Variants in RYR2 observed in about 807,000 individuals in gnomAD.
RYR2 encodes ryanodine receptor 2, also known as cardiac muscle ryanodine receptor-calcium release channel.
RYR2 carries 227 observed loss-of-function variants against 601.1 expected under a neutral mutation model. The ratio of observed to expected loss-of-function variants is 0.38; its 90% CI spans 0.34 to 0.42. RYR2 has a LOEUF of 0.42. RYR2 is among the 10% of genes least tolerant of loss of function. RYR2 has a pLI of 1.00. For synonymous variants in RYR2, 2,223 were observed against 2,175.1 expected, an observed-to-expected ratio of 1.02 and a Z score of -0.61; for missense variants, 4,646 against 6,156.5, an observed-to-expected ratio of 0.75 and a Z score of 8.21.
rs557241905 is a variant in RYR2 at position 237,449,327 on chromosome 1, G to A, written c.1292+3805G>A. ...TTTTAGTGGTTACTTACGGTTTATA[G>A]CATGTATCTTTAATTTGCCACAGTC... On this transcript the variant is annotated intron_variant, in intron 14 of 104. Coordinates refer to ENST00000366574, the MANE Select transcript of RYR2 (RefSeq NM_001035.3). Among the ~76,000 whole-genome samples, 104 of 152,112 alleles carry A rather than the reference G, an allele frequency of 6.8e-4. 1 individual carries two copies. Among genetic ancestry groups the A allele is most frequent in the African/African-American group, 2.3e-3 (96 of 41,516 alleles).
At position 237,589,997 on chromosome 1, in the gene RYR2, T is replaced by C. The variant is rs572573352; in HGVS notation, c.3803T>C (p.Ile1268Thr). ...CAAGTTCCATCAAACCATGAACATA[T>C]AGAGGTTTGCTTTTTCTTTAAAAAT... ...FLQVPSNHEHIEVTRIDGTID... is the reference protein window; with the variant it reads ...FLQVPSNHEHTEVTRIDGTID... The change falls in exon 30 of 105, where the codon ATA (isoleucine) becomes ACA (threonine). Residue 1268 changes from isoleucine (I) to threonine (T), a missense_variant. Ile to Thr is a moderately conservative substitution (Grantham distance 89). This residue lies in a region of RYR2 where 1,807 missense variants were observed against 2,088.1 expected (regional missense o/e 0.87). Coordinates refer to ENST00000366574, the MANE Select transcript of RYR2 (RefSeq NM_001035.3). The C allele has an allele frequency of 2.5e-6, 4 of 1,610,976 alleles. No individual in the cohort carries two copies. Among genetic ancestry groups the C allele is most frequent in the South Asian group, 2.2e-5 (2 of 90,432 alleles).
chr1:237,633,965 G>T (rs757892434), intron 43 of RYR2, among the ~76,000 whole-genome samples: 1 of 152,080 alleles, frequency 6.6e-6, no homozygotes, highest in Non-Finnish European at 1.5e-5. Context: ...AACATAATAA[G>T]TGTTGGCGAG....
chr1:237,733,586 A>G (rs757330324), intron 78 of RYR2, 119 bp from the exon 79 acceptor site: 19 of 704,752 alleles, frequency 2.7e-5, no homozygotes, highest in Non-Finnish European at 4.3e-5. Flanking sequence ...GTGTTCATTT[A>G]ATTTTAAAAA....
At position 237,709,007 on chromosome 1, in the gene RYR2, G is replaced by A. The variant is rs1057524349; in HGVS notation, c.10051G>A (p.Ala3351Thr). 6.2e-7 allele frequency: 1 copy of A among 1,613,612 alleles called. No homozygotes were observed. The highest frequency in any genetic ancestry group is 8.5e-7 in the Non-Finnish European group (1 of 1,179,608). ...KAEARGDMSE[A>T]ELLILDEFTT... ...TGAGGCCAGGGGGGACATGTCGGAG[G>A]CAGAACTCCTCATCCTAGATGAGTT... Residue 3351 changes from alanine (A) to threonine (T), a missense_variant, in exon 69 of 105, where the codon GCA (alanine) becomes ACA (threonine). Physicochemically the swap from Ala to Thr is moderately conservative, Grantham distance 58. Coordinates refer to ENST00000366574, the MANE Select transcript of RYR2 (RefSeq NM_001035.3).
At chr1:237,800,203 C>T (rs1272306897) in intron 97 of RYR2, 2 of 152,124 alleles carry the variant, frequency 1.3e-5, no homozygotes, top group Non-Finnish European at 2.9e-5. Context: ...GAAATTCATA[C>T]ATCCTGATAT....
In RYR2 at chr1:237,707,174, A is replaced by G; in HGVS notation, c.9806A>G (p.Asn3269Ser). The G allele has an allele frequency of 6.2e-7, 1 of 1,613,186 alleles. No individual in the cohort carries two copies. The highest frequency in any genetic ancestry group is 1.1e-5 in the South Asian group (1 of 91,040). ...GCCGAGATGTGCTGCACAGCCCTGA[A>G]CTCAGAGCACATGAACACACTTCTA... ...ERAEMCCTAL[N>S]SEHMNTLLGN... The change falls in exon 68 of 105, where the codon AAC (asparagine) becomes AGC (serine). Residue 3269 changes from asparagine to serine, a missense_variant. This residue lies in a region of RYR2 where 1,497 missense variants were observed against 1,842.6 expected (regional missense o/e 0.81). Transcript: ENST00000366574.
rs953338114 is a variant in RYR2 at position 237,469,847 on chromosome 1, C to T, written c.1708+660C>T. On this transcript the variant is annotated intron_variant, in intron 17 of 104. Coordinates refer to ENST00000366574, the MANE Select transcript of RYR2 (RefSeq NM_001035.3). ...GTAAAATATTTATAGGCAGTCAACC[C>T]GATACACACATCTCTAATAAGATGT... Among the ~76,000 whole-genome samples, 5 of 152,172 alleles carry T rather than the reference C, an allele frequency of 3.3e-5. No individual in the cohort carries two copies. The South Asian group carries it at 6.2e-4, about 19-fold the overall frequency.
intron 14 of RYR2, among the ~76,000 whole-genome samples, chr1:237,452,543 C>CAT (rs3035862): frequency 0.52 from 75,248 of 144,616 alleles, 20,939 homozygotes; most frequent in East Asian, 0.74. Context: ...TAATATATAA[C>CAT]AACATATATC....
intron 25 of RYR2, among the ~76,000 whole-genome samples, chr1:237,541,476 C>G (rs931916918): frequency 1.1e-4 from 17 of 152,170 alleles, no homozygotes; most frequent in Non-Finnish European, 2.5e-4. Flanking sequence ...CCTCCTATCC[C>G]CCTTTCCTAC....
At chr1:237,233,381 G>A (rs1685197354) in intron 1 of RYR2, among the ~76,000 whole-genome samples, 3 of 152,250 alleles carry the variant, frequency 2.0e-5, no homozygotes, top group South Asian at 2.1e-4. Context: ...AGCTACATCA[G>A]TTGAACAAAA....
intron 17 of RYR2, among the ~76,000 whole-genome samples, chr1:237,472,157 A>C (rs1158633523): frequency 6.6e-6 from 1 of 152,202 alleles, no homozygotes; most frequent in Non-Finnish European, 1.5e-5. Context: ...AGGCAGTAAC[A>C]ATGATGAGAT....
intron 1 of RYR2, among the ~76,000 whole-genome samples, chr1:237,063,016 G>C (rs976128131): frequency 2.6e-5 from 4 of 151,528 alleles, no homozygotes; most frequent in Non-Finnish European, 5.9e-5. Context: ...AAATTCTTAT[G>C]TTGAAATCTT....
chr1:237,812,360 C>A (rs550464059), intron 100 of RYR2, among the ~76,000 whole-genome samples: 1 of 152,188 alleles, frequency 6.6e-6, no homozygotes, highest in Non-Finnish European at 1.5e-5. Flanking sequence ...TGGTAAGCAC[C>A]TTTCTAGAAA....
chr1:237,130,648 A>T (rs1672062951), intron 1 of RYR2, among the ~76,000 whole-genome samples: 1 of 151,994 alleles, frequency 6.6e-6, no homozygotes, highest in African/African-American at 2.4e-5. Context: ...GTGAGCTGAG[A>T]TGGTGCCATT....
intron 1 of RYR2, among the ~76,000 whole-genome samples, chr1:237,256,465 C>T (rs565519784): frequency 9.2e-5 from 14 of 152,252 alleles, no homozygotes; most frequent in African/African-American, 3.1e-4. Context: ...ATTACCATTT[C>T]AAAGCTCCCT....
chr1:237,274,195 G>T (rs1311260671), intron 2 of RYR2, among the ~76,000 whole-genome samples: 3 of 150,116 alleles, frequency 2.0e-5, no homozygotes, highest in African/African-American at 7.3e-5. Flanking sequence ...TATTATATAT[G>T]ATATGTATAT....
At chr1:237,390,280 C>T (rs1199167108) in intron 10 of RYR2, among the ~76,000 whole-genome samples, 2 of 151,576 alleles carry the variant, frequency 1.3e-5, no homozygotes, top group Admixed American at 1.3e-4. Flanking sequence ...TGTAGAGCTT[C>T]GTGGTTAAGG....
At chr1:237,438,726 T>A (rs1033571220) in intron 12 of RYR2, among the ~76,000 whole-genome samples, 1 of 152,346 alleles carries the variant, frequency 6.6e-6, no homozygotes, top group Admixed American at 6.5e-5. Flanking sequence ...AGCAGCAGAT[T>A]GCTGCTGCCA....
intron 17 of RYR2, among the ~76,000 whole-genome samples, chr1:237,490,404 AC>A (rs1663198574): frequency 6.6e-6 from 1 of 152,196 alleles, no homozygotes; most frequent in African/African-American, 2.4e-5. Context: ...GAGAAAACAA[AC>A]AAAAACATCG....
Sources: gnomAD v4.1 joint callset for allele counts (sites outside exome capture counted in the v4.1 genomes callset) on GRCh38, gnomAD v4.1.1 for gene constraint, gnomAD v4.1.1 regional missense constraint, MANE v1.5 for transcripts, NCBI Gene and HGNC (gene_info 2026-07-23, HGNC 2026-07-21) for gene names.